ERCC2: variants seen among roughly 807,000 people sequenced by gnomAD.
The protein encoded by ERCC2 is ERCC excision repair 2, TFIIH core complex helicase subunit, also known as general transcription and DNA repair factor IIH helicase subunit XPD.
In ERCC2, 90 loss-of-function variants were observed where a neutral mutation model predicts 99.4. The ratio of observed to expected loss-of-function variants is 0.91; its 90% CI spans 0.76 to 1.08. ERCC2 has a LOEUF of 1.08. Among genes scored for constraint, ERCC2 ranks in the 50% least tolerant of loss-of-function variants. The pLI is 0.00. For synonymous variants in ERCC2, 497 were observed against 432.4 expected (o/e 1.15, Z -1.85); for missense variants, 993 against 1,038.1 (o/e 0.96, Z 0.60).
At chr19:45,360,037 A>G (rs942568250) in intron 12 of ERCC2, among the ~76,000 whole-genome samples, 1 of 150,836 alleles carries the variant, frequency 6.6e-6, no homozygotes, top group African/African-American at 2.4e-5. Flanking sequence ...AGCCTCCCAA[A>G]GTGCTGGGAT....
Position 45,350,623 on chromosome 19 carries a change from T to TC in ERCC2, c.*1005dup, listed in dbSNP as rs1568527589. ...CATGGGCCTGGGGGACTGAGCAGCA[T>TC]CCCCGGCCCCTCCCCAGGCCCTTCG... is the stretch of plus-strand genomic sequence containing the variant. On this transcript the variant is annotated 3_prime_UTR_variant, in exon 23 of 23. Coordinates refer to ENST00000391945, the MANE Select transcript of ERCC2 (RefSeq NM_000400.4). 1 of 1,612,834 alleles carries TC rather than the reference T, an allele frequency of 6.2e-7. No homozygotes were observed. Among genetic ancestry groups the TC allele is most frequent in the African/African-American group, 1.3e-5 (1 of 74,888 alleles).
chr19:45,350,812 C>CA lies in ERCC2; in HGVS notation c.*816dup. The CA allele has an allele frequency of 3.1e-6, 4 of 1,300,330 alleles. No homozygotes were observed. Among genetic ancestry groups the CA allele is most frequent in the Non-Finnish European group, 4.3e-6 (4 of 926,172 alleles). 80.5% of individuals were successfully genotyped at this position (1,300,330 alleles called of 1,614,324 possible). A position where few individuals can be genotyped will look rare whatever the true frequency, so the allele number is the denominator to read the frequency against. ...CAGAATCCACAGCCCACCCCACCCC[C>CA]ACCCCCATCTTGCTCAAGAACCTTC... On this transcript the variant is annotated 3_prime_UTR_variant, in exon 23 of 23. Transcript: ENST00000391945.
At position 45,352,447 on chromosome 19, in the gene ERCC2, G is replaced by C. The variant is rs541822089; in HGVS notation, c.2046+59C>G. The C allele has an allele frequency of 1.3e-5, 21 of 1,613,874 alleles. No homozygotes were observed. In the East Asian group the frequency reaches 1.8e-4, roughly 14 times the overall value. On this transcript the variant is annotated intron_variant, in intron 21 of 22. Coordinates refer to ENST00000391945, the MANE Select transcript of ERCC2 (RefSeq NM_000400.4). ...CCCACCCCACCTGGGAAATGAACGG[G>C]AAACAGCCTGGTTCTTGGAGCCTGG... is the stretch of plus-strand genomic sequence containing the variant.
Position 45,357,657 on chromosome 19 carries a change from G to T in ERCC2, c.1280C>A (p.Thr427Asn). Residue 427 changes from threonine to asparagine, a missense_variant, in exon 13 of 23, where the codon ACC becomes AAC. This residue lies in a region of ERCC2 where 909 missense variants were observed against 930.8 expected (regional missense o/e 0.98). Transcript: ENST00000391945. ...GAAGTGCAGGATGGGGTTGGCAATG[G>T]TCGGGGTTCTGTCGTCAAAGGGCTC... ...IIEPFDDRTP[T>N]IANPILHFSC... 1 of 1,614,094 alleles carries T rather than the reference G, an allele frequency of 6.2e-7. No homozygotes were observed. Among genetic ancestry groups the T allele is most frequent in the South Asian group, 1.1e-5 (1 of 91,086 alleles).
chr19:45,350,581 G>T lies in ERCC2; in HGVS notation c.*1048C>A. 2 of 1,613,892 alleles carry T rather than the reference G, an allele frequency of 1.2e-6. No individual in the cohort carries two copies. Among genetic ancestry groups the T allele is most frequent in the Non-Finnish European group, 1.7e-6 (2 of 1,179,890 alleles). ...GGATGGGCTGTGCTTCGGCTCCTGGGGTGGGCGTGGGGACTGCATGGGCCT... is the reference window on the plus strand; with the variant it reads ...GGATGGGCTGTGCTTCGGCTCCTGGTGTGGGCGTGGGGACTGCATGGGCCT... On this transcript the variant is annotated 3_prime_UTR_variant, in exon 23 of 23. Coordinates refer to ENST00000391945, the MANE Select transcript of ERCC2 (RefSeq NM_000400.4).
At chr19:45,359,203 G>T (rs549670435) in intron 12 of ERCC2, among the ~76,000 whole-genome samples, 5 of 152,264 alleles carry the variant, frequency 3.3e-5, no homozygotes, top group African/African-American at 9.6e-5. Context: ...CTAAGGATGA[G>T]GGGGAGGTGG....
chr19:45,354,653 G>C, intron 17 of ERCC2, 77 bp downstream of exon 17: 2 of 1,575,898 alleles, frequency 1.3e-6, no homozygotes, highest in African/African-American at 2.7e-5. Context: ...CAGAGTGTGA[G>C]AGGAATGAAG....
chr19:45,361,797 C>A, intron 11 of ERCC2, 155 bp from the exon 12 acceptor site: 1 of 687,580 alleles, frequency 1.5e-6, no homozygotes, highest in Admixed American at 2.0e-5. Context: ...AACTTGCACC[C>A]CCACGCTGTA....
intron 16 of ERCC2, 101 bp from the exon 17 acceptor site, chr19:45,354,952 C>T (rs1971961657): frequency 1.3e-6 from 2 of 1,508,328 alleles, no homozygotes; most frequent in South Asian, 2.3e-5. Flanking sequence ...GGCTGCCTGT[C>T]AGGCTTTTCA....
chr19:45,367,397 A>C (rs1972464257), intron 5 of ERCC2, among the ~76,000 whole-genome samples: 1 of 151,416 alleles, frequency 6.6e-6, no homozygotes, highest in South Asian at 2.1e-4. Context: ...ACACACACAC[A>C]CACATATAAA....
chr19:45,350,303 G>C lies in ERCC2; in HGVS notation c.*1326C>G. ...GGGACTGGATGCAGTGTTGGGAACT[G>C]GGGTCCGAAAAGTTCCCAGACACTC... On this transcript the variant is annotated 3_prime_UTR_variant, in exon 23 of 23. Transcript: ENST00000391945. The C allele has an allele frequency of 3.9e-6, 6 of 1,530,342 alleles. No homozygotes were observed. Among genetic ancestry groups the C allele is most frequent in the Non-Finnish European group, 5.4e-6 (6 of 1,110,068 alleles). The allele number at this position is 1,530,342 out of a possible 1,614,324, so 94.8% of individuals were successfully genotyped here. A position where few individuals can be genotyped will look rare whatever the true frequency, so the allele number is the denominator to read the frequency against.
In ERCC2 at chr19:45,368,570, T is replaced by A. The variant is rs971971833; in HGVS notation, c.360+60A>T. 3.5e-6 allele frequency: 4 copies of A among 1,132,688 alleles called. No individual in the cohort carries two copies. The African/African-American group carries it at 6.1e-5, about 17-fold the overall frequency. The allele number at this position is 1,132,688 out of a possible 1,614,324, so 70.2% of individuals were successfully genotyped here. On this transcript the variant is annotated intron_variant, in intron 5 of 22. Transcript: ENST00000391945. ...GGCCTGGGGATCCAGGACTTGTGGT[T>A]GGACGAAAGAGTTTTCTCTACCTCT...
rs1373970308 is a variant in ERCC2, at chr19:45,367,366, TATACACACACACACACAC to T, written c.360+1246_360+1263del. On this transcript the variant is annotated intron_variant, in intron 5 of 22. Transcript: ENST00000391945. ...AAAACAAAACAAAAATATATATATATATACACACACACACACACACACACACACACACACATATAAAAA... is the reference window on the plus strand; with the variant it reads ...AAAACAAAACAAAAATATATATATATACACACACACACACACATATAAAAA... Among the ~76,000 whole-genome samples the T allele has an allele frequency of 5.5e-5, 5 of 90,706 alleles. No homozygotes were observed. The Admixed American group carries it at 6.1e-4, about 11-fold the overall frequency. The allele number at this position is 90,706 out of a possible 152,430, so 59.5% of individuals were successfully genotyped here.
intron 5 of ERCC2, among the ~76,000 whole-genome samples, chr19:45,365,950 A>T (rs3916809): frequency 6.6e-6 from 1 of 151,782 alleles, no homozygotes; most frequent in African/African-American, 2.4e-5. Context: ...TCCTTCCCCC[A>T]CTCAGCCTCC....
In ERCC2 at chr19:45,351,312, C is replaced by A; in HGVS notation, c.*317G>T. ...TTCCCAGCTGGCACCTGGACAAGGC[C>A]CCTCGGACCCTCAGCGCCAGCACCC... On this transcript the variant is annotated 3_prime_UTR_variant, in exon 23 of 23. Coordinates refer to ENST00000391945, the MANE Select transcript of ERCC2 (RefSeq NM_000400.4). 6.2e-7 allele frequency: 1 copy of A among 1,612,492 alleles called. No individual in the cohort carries two copies. The highest frequency in any genetic ancestry group is 8.5e-7 in the Non-Finnish European group (1 of 1,179,990).
rs1287997738 is a variant in ERCC2 at position 45,364,973 on chromosome 19, G to A, written c.478-19C>T. 1.3e-5 allele frequency: 21 copies of A among 1,611,644 alleles called. No homozygotes were observed. The highest frequency in any genetic ancestry group is 1.8e-5 in the Non-Finnish European group (21 of 1,177,960). ...CAAATTCCTGGGACAAGAGTGCCAG[G>A]GGTCAGGGAGGCTGCCTGCCCCAGG... On this transcript the variant is annotated intron_variant, in intron 6 of 22. Transcript: ENST00000391945.
At chr19:45,370,101 G>C (rs751057645) in intron 2 of ERCC2, 32 bp downstream of exon 2, 32 of 1,608,540 alleles carry the variant, frequency 2.0e-5, no homozygotes, top group Non-Finnish European at 2.6e-5. Flanking sequence ...CCCACCGGTC[G>C]AGTGGGCGGG....
chr19:45,366,045 C>A (rs1380694762), intron 5 of ERCC2, among the ~76,000 whole-genome samples: 3 of 151,992 alleles, frequency 2.0e-5, no homozygotes, highest in Non-Finnish European at 4.4e-5. Flanking sequence ...CTATGTTGCC[C>A]AGGCTGGTCT....
intron 21 of ERCC2, 37 bp downstream of exon 21, chr19:45,352,469 C>G (rs753937363): frequency 1.1e-5 from 18 of 1,614,120 alleles, no homozygotes; most frequent in Non-Finnish European, 1.5e-5. Context: ...TTCTTGGAGC[C>G]TGGGATGGGA....
Sources: gnomAD v4.1 joint callset for allele counts (sites outside exome capture counted in the v4.1 genomes callset) on GRCh38, gnomAD v4.1.1 for gene constraint, gnomAD v4.1.1 regional missense constraint, MANE v1.5 for transcripts, NCBI Gene and HGNC (gene_info 2026-07-23, HGNC 2026-07-21) for gene names.